The following HERPUD2 variants were observed in gnomAD, a reference collection of about 807,000 sequenced individuals.
HERPUD2 encodes the protein homocysteine-responsive endoplasmic reticulum-resident ubiquitin-like domain member 2 protein.
HERPUD2 carries 13 observed loss-of-function variants against 49.9 expected under a neutral mutation model. That is an observed-to-expected ratio of 0.26 (90% confidence interval 0.17 to 0.41). The LOEUF (loss-of-function observed/expected upper bound fraction) is 0.41. Ranked by LOEUF, HERPUD2 falls within the 10% of genes least tolerant of loss-of-function variation. The probability of loss-of-function intolerance (pLI) is 1.00; values close to 1 mark genes in which losing one functional copy is unlikely to be tolerated. For synonymous variants in HERPUD2, 172 were observed against 171.4 expected (o/e 1.00, Z -0.03); for missense variants, 449 against 492.2 (o/e 0.91, Z 0.83).
Position 35,635,172 on chromosome 7 carries a change from A to G in HERPUD2, c.904T>C (p.Phe302Leu). Residue 302 changes from phenylalanine (F) to leucine (L), a missense_variant, in exon 7 of 9, where the codon TTT becomes CTT. Transcript: ENST00000311350. Reference protein sequence around the residue: ...IVYFYSSFSRFIMVMGAMLLV... With the variant: ...IVYFYSSFSRLIMVMGAMLLV... ...AGCATGGCTCCCATTACCATGATAA[A>G]CCGACTAAAAGAAGAATAGAAGTAT... 6 of 1,614,136 alleles carry G rather than the reference A, an allele frequency of 3.7e-6. No homozygotes were observed. Among genetic ancestry groups the G allele is most frequent in the South Asian group, 1.1e-5 (1 of 91,082 alleles).
chr7:35,654,710 CTG>C (rs1337727632), intron 5 of HERPUD2, among the ~76,000 whole-genome samples: 1 of 142,732 alleles, frequency 7.0e-6, no homozygotes, highest in African/African-American at 2.6e-5. Flanking sequence ...GAATCATGCT[CTG>C]TTGCCCAGGC....
intron 2 of HERPUD2, among the ~76,000 whole-genome samples, chr7:35,690,366 TCA>T: frequency 6.6e-6 from 1 of 152,342 alleles, no homozygotes; most frequent in South Asian, 2.1e-4. Context: ...GTGAACATTT[TCA>T]CAAATATGGC....
intron 2 of HERPUD2, among the ~76,000 whole-genome samples, chr7:35,678,720 A>G (rs1785818369): frequency 6.6e-6 from 1 of 152,166 alleles, no homozygotes; most frequent in African/African-American, 2.4e-5. Context: ...TCCAAAACAT[A>G]AGTTATCTAA....
intron 3 of HERPUD2, among the ~76,000 whole-genome samples, chr7:35,672,012 G>A (rs1785654284): frequency 6.6e-6 from 1 of 151,912 alleles, no homozygotes; most frequent in African/African-American, 2.4e-5. Flanking sequence ...TACTATACTG[G>A]TGGAGACATG....
At chr7:35,678,941 C>T (rs1248251918) in intron 2 of HERPUD2, among the ~76,000 whole-genome samples, 1 of 152,064 alleles carries the variant, frequency 6.6e-6, no homozygotes, top group Non-Finnish European at 1.5e-5. Flanking sequence ...GACTACTGAT[C>T]AAAATACATA....
intron 3 of HERPUD2, among the ~76,000 whole-genome samples, chr7:35,672,619 C>T (rs956011871): frequency 5.9e-5 from 9 of 152,054 alleles, no homozygotes; most frequent in East Asian, 3.8e-4. Context: ...ATTTCAAATG[C>T]TGAAAAGCTC....
chr7:35,655,146 C>T (rs1785248734), intron 5 of HERPUD2, among the ~76,000 whole-genome samples: 1 of 152,166 alleles, frequency 6.6e-6, no homozygotes, highest in South Asian at 2.1e-4. Flanking sequence ...AGCCACTGTG[C>T]CCAGCCTTGA....
At chr7:35,650,782 C>A (rs1785149100) in intron 5 of HERPUD2, among the ~76,000 whole-genome samples, 1 of 152,156 alleles carries the variant, frequency 6.6e-6, no homozygotes, top group Non-Finnish European at 1.5e-5. Flanking sequence ...TTGAAAGCAA[C>A]CCAGCCCTCC....
chr7:35,646,947 A>G (rs1041996976), intron 5 of HERPUD2, among the ~76,000 whole-genome samples: 15 of 151,850 alleles, frequency 9.9e-5, no homozygotes, highest in Admixed American at 9.2e-4. Flanking sequence ...TGAAACACAT[A>G]AAATTACTGG....
intron 2 of HERPUD2, among the ~76,000 whole-genome samples, chr7:35,684,054 T>C (rs1164104354): frequency 6.6e-6 from 1 of 152,202 alleles, no homozygotes; most frequent in Non-Finnish European, 1.5e-5. Flanking sequence ...AATCCCACTA[T>C]TGGGTATCTA....
At chr7:35,662,167 G>A (rs564173139) in intron 5 of HERPUD2, among the ~76,000 whole-genome samples, 3 of 152,278 alleles carry the variant, frequency 2.0e-5, no homozygotes, top group Admixed American at 6.5e-5. Context: ...TTTATAGGAT[G>A]GATTATGTTT....
At chr7:35,657,717 G>A (rs1785308852) in intron 5 of HERPUD2, among the ~76,000 whole-genome samples, 1 of 151,038 alleles carries the variant, frequency 6.6e-6, no homozygotes, top group Non-Finnish European at 1.5e-5. Context: ...AGACCATCCT[G>A]GCTAACACTG....
intron 2 of HERPUD2, among the ~76,000 whole-genome samples, chr7:35,679,712 C>T (rs76940726): frequency 0.013 from 1,976 of 152,230 alleles, 43 homozygotes; most frequent in African/African-American, 0.044. Context: ...AAGGCCTCAC[C>T]CTCTCAGACC....
chr7:35,647,475 T>G (rs1785077520), intron 5 of HERPUD2, among the ~76,000 whole-genome samples: 1 of 152,224 alleles, frequency 6.6e-6, no homozygotes, highest in Admixed American at 6.5e-5. Flanking sequence ...CAGCAGATTC[T>G]AAAGTAAACA....
chr7:35,671,003 G>C (rs1785632120), intron 3 of HERPUD2, among the ~76,000 whole-genome samples: 1 of 151,828 alleles, frequency 6.6e-6, no homozygotes, highest in South Asian at 2.1e-4. Flanking sequence ...GATGGGGAAA[G>C]GAAAGAAGGA....
At chr7:35,686,650 C>T (rs1786053845) in intron 2 of HERPUD2, among the ~76,000 whole-genome samples, 1 of 99,598 alleles carries the variant, frequency 1.0e-5, no homozygotes, top group Admixed American at 1.4e-4. Context: ...ACCCGGGAGG[C>T]GGAGCTTGCA....
intron 3 of HERPUD2, among the ~76,000 whole-genome samples, chr7:35,671,827 C>G (rs748605053): frequency 2.0e-5 from 3 of 151,874 alleles, no homozygotes; most frequent in African/African-American, 4.8e-5. Flanking sequence ...TAAAAGTCTT[C>G]ATGTGTAGAT....
In HERPUD2 at chr7:35,679,048, A is replaced by G. The variant is rs148523262; in HGVS notation, c.148-5770T>C. On this transcript the variant is annotated intron_variant, in intron 2 of 8. Coordinates refer to ENST00000311350, the MANE Select transcript of HERPUD2 (RefSeq NM_022373.5). ...AAATTTTTCACGGAAACAATAGGTCACTTTCAGTCAGAGACTTCAAAAGCC... is the reference window on the plus strand; with the variant it reads ...AAATTTTTCACGGAAACAATAGGTCGCTTTCAGTCAGAGACTTCAAAAGCC... Among the ~76,000 whole-genome samples the G allele has an allele frequency of 8.1e-3, 1,233 of 152,310 alleles. 17 individuals carry two copies. The highest frequency in any genetic ancestry group is 0.029 in the African/African-American group (1,200 of 41,564).
chr7:35,657,600 T>C (rs1263487917), intron 5 of HERPUD2, among the ~76,000 whole-genome samples: 1 of 84,218 alleles, frequency 1.2e-5, no homozygotes, highest in South Asian at 5.0e-4. Context: ...CAAGACCTTC[T>C]CTCAAAAAAA....
Sources: allele counts gnomAD v4.1 joint callset (sites outside exome capture counted in the v4.1 genomes callset), GRCh38; gene constraint gnomAD v4.1.1; transcripts MANE v1.5; gene names NCBI Gene and HGNC (gene_info 2026-07-23, HGNC 2026-07-21).